FOXN3: variants seen among roughly 807,000 people sequenced by gnomAD.
FOXN3 encodes the protein forkhead box N3.
FOXN3 carries 7 observed loss-of-function variants against 38.4 expected under a neutral mutation model. The observed-to-expected ratio is 0.18, with a 90% CI of 0.10 to 0.34. The LOEUF (loss-of-function observed/expected upper bound fraction) is 0.34, where lower values mean the gene tolerates loss of function less well. FOXN3 is among the 10% of genes least tolerant of loss of function. FOXN3 has a pLI of 1.00. For synonymous variants in FOXN3, 230 were observed against 242.2 expected (o/e 0.95, Z 0.47); for missense variants, 456 against 613.4 (o/e 0.74, Z 2.71).
At chr14:89,356,735 C>A (rs905496784) in intron 2 of FOXN3, among the ~76,000 whole-genome samples, 2 of 152,124 alleles carry the variant, frequency 1.3e-5, no homozygotes, top group African/African-American at 4.8e-5. Flanking sequence ...CTACTACATG[C>A]CAGGCACCAT....
At chr14:89,197,483 G>A (rs184249996) in intron 4 of FOXN3, among the ~76,000 whole-genome samples, 1 of 149,638 alleles carries the variant, frequency 6.7e-6, no homozygotes, top group Admixed American at 6.6e-5. Context: ...TCCAGCCTGG[G>A]CGACAGAGCA....
intron 1 of FOXN3, among the ~76,000 whole-genome samples, chr14:89,539,064 G>A (rs372224247): frequency 7.0e-4 from 107 of 152,042 alleles, no homozygotes; most frequent in African/African-American, 2.4e-3. Flanking sequence ...GGCTGGTCTC[G>A]AACTCCTGAC....
At chr14:89,423,317 C>T (rs1054064598) in intron 1 of FOXN3, among the ~76,000 whole-genome samples, 5 of 152,166 alleles carry the variant, frequency 3.3e-5, no homozygotes, top group South Asian at 2.1e-4. Flanking sequence ...ACCTAGTTTT[C>T]ACTTCATAGG....
rs748730371 is a variant in FOXN3 at position 89,280,999 on chromosome 14, G to A, written c.696C>T (p.Pro232=). The change falls in exon 4 of 6, where the codon CCC becomes CCT. Residue 232 remains proline, a synonymous_variant. Transcript: ENST00000557258. The part of the protein sequence containing the change: ...PQAYQSTSGP[P]IWPGSTFFKR... ...TGAAGAAGGTACTGCCCGGCCAGATGGGTGGACCTGATGTGCTGAAAGAGA... is the reference window on the plus strand; with the variant it reads ...TGAAGAAGGTACTGCCCGGCCAGATAGGTGGACCTGATGTGCTGAAAGAGA... 2 of 1,613,728 alleles carry A rather than the reference G, an allele frequency of 1.2e-6. No homozygotes were observed. The highest frequency in any genetic ancestry group is 1.1e-5 in the South Asian group (1 of 90,900).
rs148030921 is a variant in FOXN3 at position 89,410,688 on chromosome 14, C to T, written c.543+1246G>A. ...TGAAGTTTGAGACCAGCCTGGGCAG[C>T]ATGGTGAGACACCATCTCTACAAAA... On this transcript the variant is annotated intron_variant, in intron 2 of 5. Coordinates refer to ENST00000557258, the MANE Select transcript of FOXN3 (RefSeq NM_005197.4). 2.6e-4 allele frequency among the ~76,000 whole-genome samples: 40 copies of T among 152,198 alleles called. No homozygotes were observed. The East Asian group carries it at 7.7e-3, about 29-fold the overall frequency.
intron 1 of FOXN3, among the ~76,000 whole-genome samples, chr14:89,561,762 C>A (rs1895253614): frequency 6.6e-6 from 1 of 152,106 alleles, no homozygotes; most frequent in South Asian, 2.1e-4. Context: ...CATGACTCTT[C>A]CTCCTCTCCC....
intron 2 of FOXN3, among the ~76,000 whole-genome samples, chr14:89,379,991 C>A (rs998459472): frequency 1.3e-5 from 2 of 152,264 alleles, no homozygotes; most frequent in Admixed American, 1.3e-4. Context: ...ATAACAGTAC[C>A]TTTTCCCATA....
intron 1 of FOXN3, among the ~76,000 whole-genome samples, chr14:89,429,624 G>A (rs1391815591): frequency 6.6e-6 from 1 of 152,078 alleles, no homozygotes; most frequent in Non-Finnish European, 1.5e-5. Flanking sequence ...GACCAGCGAA[G>A]GGTTAGCCAG....
chr14:89,360,279 TGA>T (rs1889413572), intron 2 of FOXN3, among the ~76,000 whole-genome samples: 1 of 127,304 alleles, frequency 7.9e-6, no homozygotes, highest in Admixed American at 8.4e-5. Flanking sequence ...GAGGGAGGGA[TGA>T]GAGAGGAAGA....
At chr14:89,296,824 GC>G (rs1182622144) in intron 3 of FOXN3, among the ~76,000 whole-genome samples, 3 of 152,090 alleles carry the variant, frequency 2.0e-5, no homozygotes, top group Admixed American at 2.0e-4. Context: ...TTTAGTAGAG[GC>G]GGGGTTTTGC....
rs569050469 is a variant in FOXN3 at position 89,378,433 on chromosome 14, G to C, written c.544-27625C>G. On this transcript the variant is annotated intron_variant, in intron 2 of 5. Transcript: ENST00000557258. ...CCTTGCTGCCTGGATGATATCCTGG[G>C]AGAGATGCTTAAAACGCCCAAGTCT... 7.9e-5 allele frequency among the ~76,000 whole-genome samples: 12 copies of C among 152,298 alleles called. No individual in the cohort carries two copies. The South Asian group carries it at 2.5e-3, about 32-fold the overall frequency.
intron 1 of FOXN3, among the ~76,000 whole-genome samples, chr14:89,555,869 GTGTGTGTATGT>G (rs1895107337): frequency 2.2e-5 from 3 of 136,062 alleles, no homozygotes; most frequent in Admixed American, 7.9e-5. Flanking sequence ...GTGTGTGTGT[GTGTGTGTATGT>G]GGGGGTGTAT....
intron 4 of FOXN3, among the ~76,000 whole-genome samples, chr14:89,211,533 A>T (rs903773632): frequency 7.2e-5 from 11 of 152,208 alleles, no homozygotes; most frequent in African/African-American, 2.7e-4. Context: ...AACAGGCTAC[A>T]AAGAGGGATC....
chr14:89,544,162 A>C (rs1260228036), intron 1 of FOXN3, among the ~76,000 whole-genome samples: 1 of 151,692 alleles, frequency 6.6e-6, no homozygotes, highest in African/African-American at 2.4e-5. Context: ...CTGCCTCAGC[A>C]TCCCAAGTAG....
In FOXN3 at chr14:89,254,225, C is replaced by T. The variant is rs539671853; in HGVS notation, c.745+26725G>A. ...GCAAGGAGAGTGCTCAGAAGAGGCT[C>T]TGCGCATAGTAGAAAGTTCCATGTT... On this transcript the variant is annotated intron_variant, in intron 4 of 5. Coordinates refer to ENST00000557258, the MANE Select transcript of FOXN3 (RefSeq NM_005197.4). Among the ~76,000 whole-genome samples the T allele has an allele frequency of 2.0e-5, 3 of 152,348 alleles. No homozygotes were observed. The South Asian group carries it at 6.2e-4, about 32-fold the overall frequency.
intron 1 of FOXN3, among the ~76,000 whole-genome samples, chr14:89,552,932 T>C (rs546906409): frequency 8.3e-4 from 127 of 152,228 alleles, no homozygotes; most frequent in African/African-American, 3.0e-3. Context: ...GAAGGGACTC[T>C]TTCAAACACC....
At chr14:89,271,061 A>C (rs544671885) in intron 4 of FOXN3, among the ~76,000 whole-genome samples, 7 of 152,040 alleles carry the variant, frequency 4.6e-5, no homozygotes, top group South Asian at 4.2e-4. Flanking sequence ...ACACACACAC[A>C]CCCACTCCCA....
At chr14:89,358,545 T>G (rs1035347779) in intron 2 of FOXN3, among the ~76,000 whole-genome samples, 5 of 152,210 alleles carry the variant, frequency 3.3e-5, no homozygotes, top group Non-Finnish European at 7.3e-5. Flanking sequence ...ATGGCATACA[T>G]GCAGCTCACT....
chr14:89,240,874 T>C (rs917031726), intron 4 of FOXN3, among the ~76,000 whole-genome samples: 3 of 152,098 alleles, frequency 2.0e-5, no homozygotes, highest in Non-Finnish European at 2.9e-5. Context: ...GGCCCAGGGG[T>C]AGGGCCGGGC....
Sources: allele counts gnomAD v4.1 joint callset (sites outside exome capture counted in the v4.1 genomes callset), GRCh38; gene constraint gnomAD v4.1.1; transcripts MANE v1.5; gene names NCBI Gene and HGNC (gene_info 2026-07-23, HGNC 2026-07-21).